The following ATP8A2 variants were observed in gnomAD, a reference collection of about 807,000 sequenced individuals.
ATP8A2 encodes phospholipid-transporting ATPase IB.
A neutral mutation model predicts 165.6 loss-of-function variants in ATP8A2; 100 were observed. The observed-to-expected ratio is 0.60, with a 90% CI of 0.51 to 0.71. The LOEUF is 0.71. Among genes scored for constraint, ATP8A2 ranks in the 30% least tolerant of loss-of-function variants. The pLI is 0.00. For missense variants in ATP8A2, 1,227 were observed against 1,479.5 expected, an observed-to-expected ratio of 0.83 and a Z score of 2.80; for synonymous variants, 543 against 548.8, an observed-to-expected ratio of 0.99 and a Z score of 0.15.
At chr13:25,638,751 G>C (rs975586078) in intron 24 of ATP8A2, among the ~76,000 whole-genome samples, 3 of 152,080 alleles carry the variant, frequency 2.0e-5, no homozygotes, top group Admixed American at 6.6e-5. Context: ...AGGAAATACA[G>C]AGAATGCCAC....
intron 25 of ATP8A2, among the ~76,000 whole-genome samples, chr13:25,768,154 A>G (rs1434484098): frequency 6.6e-6 from 1 of 152,002 alleles, no homozygotes; most frequent in Non-Finnish European, 1.5e-5. Context: ...ATCAAGCATC[A>G]GCTTACCAAT....
chr13:25,762,253 A>C (rs894311155), intron 25 of ATP8A2, among the ~76,000 whole-genome samples: 3 of 112,628 alleles, frequency 2.7e-5, no homozygotes, highest in Admixed American at 1.3e-4. Context: ...TGGGTGATGG[A>C]GTGAGACTCT....
rs756492691 is a variant in ATP8A2 at position 25,538,048 on chromosome 13, C to T, written c.568C>T (p.Leu190=). ...GCAGTATCTTCCAGCAGATGTGGTC[C>T]TGCTGTCATCCAGGTTAGCTGTGCT... The part of the protein sequence containing the change: ...NGQYLPADVV[L]LSSSEPQAMC... The change falls in exon 7 of 37, where the codon CTG becomes TTG. Residue 190 remains leucine (L), a synonymous_variant. Coordinates refer to ENST00000381655, the MANE Select transcript of ATP8A2 (RefSeq NM_016529.6). 15 of 1,613,674 alleles carry T rather than the reference C, an allele frequency of 9.3e-6. No individual in the cohort carries two copies. The highest frequency in any genetic ancestry group is 1.3e-5 in the Non-Finnish European group (15 of 1,179,774).
chr13:25,632,365 C>T lies in ATP8A2; in HGVS notation c.2211+42666C>T, dbSNP rs185810831. On this transcript the variant is annotated intron_variant, in intron 24 of 36. Coordinates refer to ENST00000381655, the MANE Select transcript of ATP8A2 (RefSeq NM_016529.6). ...AGGGGTGGGGCTGGAAGTCCCAACT[C>T]TCTAATCCTGCCTCGGTCTTTCCTG... 4.0e-3 allele frequency among the ~76,000 whole-genome samples: 612 copies of T among 152,210 alleles called. 6 individuals are homozygous for T. The highest frequency in any genetic ancestry group is 0.014 in the African/African-American group (592 of 41,556).
At chr13:25,583,194 G>A (rs1453153318) in intron 23 of ATP8A2, among the ~76,000 whole-genome samples, 1 of 152,110 alleles carries the variant, frequency 6.6e-6, no homozygotes. Flanking sequence ...TTTGCTTTTT[G>A]TATGCTATAT....
At chr13:25,560,486 C>T (rs954865582) in intron 15 of ATP8A2, among the ~76,000 whole-genome samples, 2 of 151,738 alleles carry the variant, frequency 1.3e-5, no homozygotes, top group Non-Finnish European at 1.5e-5. Flanking sequence ...GATCACTGGA[C>T]GTCAGGAGTT....
At chr13:25,503,641 A>G (rs535553593) in intron 2 of ATP8A2, among the ~76,000 whole-genome samples, 2 of 152,340 alleles carry the variant, frequency 1.3e-5, no homozygotes, top group Admixed American at 1.3e-4. Context: ...AACACTCTGT[A>G]TATTTTCTCT....
At chr13:25,823,174 G>C (rs763934214) in intron 27 of ATP8A2, among the ~76,000 whole-genome samples, 2 of 152,180 alleles carry the variant, frequency 1.3e-5, no homozygotes, top group Non-Finnish European at 2.9e-5. Flanking sequence ...GTAAATCCAA[G>C]CTAAGAATTT....
chr13:25,596,719 T>G (rs1373940108), intron 24 of ATP8A2, among the ~76,000 whole-genome samples: 4 of 152,244 alleles, frequency 2.6e-5, no homozygotes, highest in Admixed American at 6.5e-5. Flanking sequence ...ATAAAGCTGC[T>G]GTAAGGGTTT....
intron 2 of ATP8A2, among the ~76,000 whole-genome samples, chr13:25,481,612 A>G (rs1313176342): frequency 6.6e-6 from 1 of 152,250 alleles, no homozygotes; most frequent in Admixed American, 6.5e-5. Context: ...TTATCCCTGT[A>G]TTAGCTCAGG....
intron 10 of ATP8A2, among the ~76,000 whole-genome samples, chr13:25,548,551 G>C (rs1042449304): frequency 4.6e-5 from 7 of 152,220 alleles, no homozygotes; most frequent in Non-Finnish European, 1.0e-4. Context: ...TAGTTTTTAA[G>C]AGTTAGGATG....
At chr13:25,618,439 C>CG (rs769152605) in intron 24 of ATP8A2, among the ~76,000 whole-genome samples, 1 of 151,938 alleles carries the variant, frequency 6.6e-6, no homozygotes, top group Non-Finnish European at 1.5e-5. Context: ...TTGTCATTTT[C>CG]GGGAAGAAGG....
chr13:25,862,458 G>A, intron 33 of ATP8A2, 50 bp downstream of exon 33: 1 of 1,413,262 alleles, frequency 7.1e-7, no homozygotes, highest in Non-Finnish European at 1.0e-6. Context: ...TGACAGCAAT[G>A]TTTCTCCATG....
chr13:25,468,871 A>G (rs899547374), intron 1 of ATP8A2, 106 bp from the exon 2 acceptor site: 3 of 1,539,388 alleles, frequency 1.9e-6, no homozygotes, highest in African/African-American at 2.8e-5. Context: ...TCACCCGAGC[A>G]TCCTTCCCCG....
At chr13:25,785,371 A>AAAT (rs1275494341) in intron 27 of ATP8A2, among the ~76,000 whole-genome samples, 88 of 152,076 alleles carry the variant, frequency 5.8e-4, no homozygotes, top group South Asian at 3.3e-3. Flanking sequence ...CCTTCTCAAA[A>AAAT]AATAATAATA....
At chr13:25,964,368 T>A (rs1955727829) in intron 34 of ATP8A2, among the ~76,000 whole-genome samples, 1 of 152,204 alleles carries the variant, frequency 6.6e-6, no homozygotes, top group South Asian at 2.1e-4. Context: ...TATTGGTGCA[T>A]TTTCCCTTTG....
At chr13:25,908,145 T>G (rs1953998154) in intron 33 of ATP8A2, among the ~76,000 whole-genome samples, 1 of 152,234 alleles carries the variant, frequency 6.6e-6, no homozygotes, top group African/African-American at 2.4e-5. Context: ...GAAATCTCAT[T>G]TAAAGATAGT....
At chr13:26,014,908 C>T (rs1326257779) in intron 36 of ATP8A2, among the ~76,000 whole-genome samples, 2 of 152,198 alleles carry the variant, frequency 1.3e-5, no homozygotes, top group Non-Finnish European at 2.9e-5. Context: ...AAAGCACCTT[C>T]TGTATGCCAG....
chr13:25,599,200 C>G (rs1208549691), intron 24 of ATP8A2, among the ~76,000 whole-genome samples: 2 of 152,190 alleles, frequency 1.3e-5, no homozygotes, highest in African/African-American at 4.8e-5. Context: ...CTTACAGATG[C>G]TTGAGCTCTT....
Sources: allele counts gnomAD v4.1 joint callset (sites outside exome capture counted in the v4.1 genomes callset), GRCh38; gene constraint gnomAD v4.1.1; transcripts MANE v1.5; gene names NCBI Gene and HGNC (gene_info 2026-07-23, HGNC 2026-07-21).